Variants in MROH9 observed in about 807,000 individuals in gnomAD.
The protein encoded by MROH9 is maestro heat like repeat family member 9, also known as maestro heat-like repeat-containing protein family member 9.
Under a neutral mutation model 98.2 loss-of-function variants are expected in MROH9, and 92 were observed. That is an observed-to-expected ratio of 0.94 (90% confidence interval 0.79 to 1.11). MROH9 has a LOEUF of 1.11. Ranked by LOEUF, MROH9 falls within the 50% of genes most tolerant of loss-of-function variation. The pLI is 0.00. For synonymous variants in MROH9, 397 were observed against 368.9 expected (o/e 1.08, Z -0.87); for missense variants, 1,057 against 1,014.8 (o/e 1.04, Z -0.57).
At chr1:170,953,119 C>T (rs1462389711) in intron 3 of MROH9, among the ~76,000 whole-genome samples, 1 of 152,022 alleles carries the variant, frequency 6.6e-6, no homozygotes, top group Non-Finnish European at 1.5e-5. Context: ...ATGAATACTT[C>T]CTTAAACTAT....
At chr1:170,972,829 T>C (rs28758381) in intron 8 of MROH9, among the ~76,000 whole-genome samples, 1,871 of 128,390 alleles carry the variant, frequency 0.015, 14 homozygotes, top group African/African-American at 0.025. Context: ...AAAAAAAAAA[T>C]ACACACACAC....
intron 21 of MROH9, 104 bp downstream of exon 21, chr1:171,062,298 AGGAAGAG>A (rs1363823723): frequency 1.3e-6 from 1 of 741,862 alleles, no homozygotes; most frequent in East Asian, 2.8e-5. Context: ...CAGGCCAGAC[AGGAAGAG>A]GGTGGTGGTA....
At chr1:171,030,733 C>T (rs1652878530) in intron 20 of MROH9, among the ~76,000 whole-genome samples, 1 of 152,082 alleles carries the variant, frequency 6.6e-6, no homozygotes, top group African/African-American at 2.4e-5. Flanking sequence ...GAATCAGTGC[C>T]ATGTGGCACT....
At chr1:171,026,482 C>T (rs1333518029) in intron 20 of MROH9, among the ~76,000 whole-genome samples, 1 of 150,256 alleles carries the variant, frequency 6.7e-6, no homozygotes, top group Non-Finnish European at 1.5e-5. Context: ...CTATGTTTGC[C>T]AGGCTGGTCT....
At chr1:170,998,377 T>G in intron 15 of MROH9, 103 bp downstream of exon 15, 1 of 1,611,138 alleles carries the variant, frequency 6.2e-7, no homozygotes, top group Non-Finnish European at 8.5e-7. Flanking sequence ...GAATGTTGGT[T>G]CTTACCAAGA....
At chr1:170,950,328 T>C (rs568492906) in intron 3 of MROH9, among the ~76,000 whole-genome samples, 1 of 152,040 alleles carries the variant, frequency 6.6e-6, no homozygotes, top group Admixed American at 6.6e-5. Context: ...CAAAAAAAGA[T>C]GGAGAATTCA....
intron 15 of MROH9, 50 bp downstream of exon 15, chr1:170,998,324 C>T (rs1442458841): frequency 1.2e-6 from 2 of 1,612,900 alleles, no homozygotes; most frequent in South Asian, 2.2e-5. Flanking sequence ...CTTTTCTTAC[C>T]CAAATTTAAA....
At chr1:170,976,714 T>C (rs1025914568) in intron 8 of MROH9, among the ~76,000 whole-genome samples, 1 of 152,186 alleles carries the variant, frequency 6.6e-6, no homozygotes, top group African/African-American at 2.4e-5. Flanking sequence ...CTGATGATTA[T>C]GTGTCTTGGG....
In MROH9 at chr1:170,989,717, T is replaced by C. The variant is rs1651277437; in HGVS notation, c.880-138T>C. 10 of 654,166 alleles carry C rather than the reference T, an allele frequency of 1.5e-5. No individual in the cohort carries two copies. The East Asian group carries it at 2.6e-4, about 17-fold the overall frequency. 40.5% of individuals were successfully genotyped at this position (654,166 alleles called of 1,614,324 possible). On this transcript the variant is annotated intron_variant, in intron 10 of 21. Transcript: ENST00000367759. ...TAGTCACACATGTAAATATGCTTTC[T>C]ACTAGTGCTTATCTGTATGTTAGTT...
intron 8 of MROH9, among the ~76,000 whole-genome samples, chr1:170,976,221 G>A (rs528502519): frequency 2.2e-4 from 33 of 152,216 alleles, no homozygotes; most frequent in East Asian, 5.8e-4. Flanking sequence ...AGACTTGTTC[G>A]TGTGATTGCT....
Position 170,947,540 on chromosome 1 carries a change from G to C in MROH9, c.39G>C (p.Gln13His), listed in dbSNP as rs770851256. Residue 13 changes from glutamine (Q) to histidine (H), a missense_variant, in exon 3 of 22, where the codon CAG becomes CAC. Gln to His is a conservative substitution (Grantham distance 24). Coordinates refer to ENST00000367759, the MANE Select transcript of MROH9 (RefSeq NM_001163629.2). ...TRNPKTKSSL[Q>H]ILQDSVKWHH... ...CTTTCTGGCTAGAGAGTAGTCTCCA[G>C]ATTCTGCAAGACAGTGTGAAATGGC... is the stretch of plus-strand genomic sequence containing the variant. 9.2e-5 allele frequency: 148 copies of C among 1,610,826 alleles called. 3 individuals are homozygous for C. In the South Asian group the frequency reaches 1.6e-3, roughly 17 times the overall value.
chr1:170,962,726 A>G (rs966998422), intron 6 of MROH9, among the ~76,000 whole-genome samples: 23 of 150,402 alleles, frequency 1.5e-4, no homozygotes, highest in African/African-American at 5.3e-4. Flanking sequence ...GCCTAATTTG[A>G]GCTGTTTTTT....
rs200920088 is a variant in MROH9, at chr1:170,986,553, G to T, written c.730-8G>T. On this transcript the variant is annotated splice_region_variant and splice_polypyrimidine_tract_variant and intron_variant, in intron 9 of 21. Coordinates refer to ENST00000367759, the MANE Select transcript of MROH9 (RefSeq NM_001163629.2). ...GCCTGAGGTCATGATTATCCTTTGT[G>T]GTTGCAGAGAGTAGGGCAAACCTTA... The T allele has an allele frequency of 3.2e-5, 52 of 1,611,576 alleles. No individual in the cohort carries two copies. Among genetic ancestry groups the T allele is most frequent in the Non-Finnish European group, 6.8e-6 (8 of 1,178,784 alleles).
At chr1:170,985,076 G>A (rs1651080212) in intron 9 of MROH9, among the ~76,000 whole-genome samples, 1 of 152,144 alleles carries the variant, frequency 6.6e-6, no homozygotes, top group South Asian at 2.1e-4. Context: ...GTGGTTGGTT[G>A]TAAGAGAGGA....
intron 15 of MROH9, among the ~76,000 whole-genome samples, chr1:171,012,660 G>A (rs1197050971): frequency 6.6e-6 from 1 of 151,654 alleles, no homozygotes; most frequent in African/African-American, 2.4e-5. Context: ...CTGCCACCAC[G>A]CCTGGCTAAT....
At chr1:171,054,804 T>C (rs1653776628) in intron 20 of MROH9, among the ~76,000 whole-genome samples, 1 of 152,168 alleles carries the variant, frequency 6.6e-6, no homozygotes, top group South Asian at 2.1e-4. Context: ...CACAATATGA[T>C]ACCACCTTAC....
chr1:170,971,863 A>G lies in MROH9; in HGVS notation c.596A>G (p.Tyr199Cys), dbSNP rs756133029. ...TCATTGGGAATGTGTCACCTCCTCT[A>G]CATTGCACGGTGTCAGAACGGTAAG... ...QASLGMCHLL[Y>C]IARCQNDIGT... is the part of the protein sequence containing the mutation. Residue 199 changes from tyrosine to cysteine, a missense_variant, in exon 8 of 22, where the codon TAC (tyrosine) becomes TGC (cysteine). Tyr to Cys is a radical substitution (Grantham distance 194). Coordinates refer to ENST00000367759, the MANE Select transcript of MROH9 (RefSeq NM_001163629.2). The G allele has an allele frequency of 2.5e-6, 4 of 1,613,872 alleles. No homozygotes were observed. The highest frequency in any genetic ancestry group is 3.4e-6 in the Non-Finnish European group (4 of 1,179,924).
chr1:171,041,220 T>G (rs1215803413), intron 20 of MROH9, among the ~76,000 whole-genome samples: 2 of 151,718 alleles, frequency 1.3e-5, no homozygotes, highest in African/African-American at 4.8e-5. Context: ...CATTTATAAG[T>G]GAGAAAATGT....
chr1:170,989,553 A>G (rs763094825), intron 10 of MROH9, among the ~76,000 whole-genome samples: 7 of 152,176 alleles, frequency 4.6e-5, no homozygotes, highest in Non-Finnish European at 8.8e-5. Context: ...AATTATATGT[A>G]TGTTTCCTAT....
Sources: allele counts gnomAD v4.1 joint callset (sites outside exome capture counted in the v4.1 genomes callset), GRCh38; gene constraint gnomAD v4.1.1; transcripts MANE v1.5; gene names NCBI Gene and HGNC (gene_info 2026-07-23, HGNC 2026-07-21).